ROR1: variants seen among roughly 807,000 people sequenced by gnomAD.
ROR1 encodes ROR family WNT receptor 1.
Under a neutral mutation model 78.8 loss-of-function variants are expected in ROR1, and 19 were observed. The observed-to-expected ratio is 0.24, with a 90% confidence interval of 0.17 to 0.35. The LOEUF is 0.35. Ranked by LOEUF, ROR1 falls within the 10% of genes least tolerant of loss-of-function variation. The pLI, the probability that ROR1 is intolerant of heterozygous loss-of-function variation, is 1.00. For synonymous variants in ROR1, 386 were observed against 433.6 expected (o/e 0.89, Z 1.36); for missense variants, 917 against 1,177.8 (o/e 0.78, Z 3.24).
At chr1:63,905,925 C>T (rs1645524573) in intron 1 of ROR1, among the ~76,000 whole-genome samples, 1 of 151,992 alleles carries the variant, frequency 6.6e-6, no homozygotes, top group South Asian at 2.1e-4. Flanking sequence ...AAATAATGTA[C>T]TTGAGGTTAT....
At chr1:63,876,505 G>A (rs1645285816) in intron 1 of ROR1, among the ~76,000 whole-genome samples, 1 of 151,964 alleles carries the variant, frequency 6.6e-6, no homozygotes, top group African/African-American at 2.4e-5. Flanking sequence ...TTCCTTAAAT[G>A]CCTAATTTTT....
chr1:64,055,383 G>C (rs865028), intron 4 of ROR1, among the ~76,000 whole-genome samples: 130,485 of 152,284 alleles, frequency 0.86, 55,991 homozygotes, highest in East Asian at 0.94. Flanking sequence ...GGCTCTGCCA[G>C]TGTAGTTTCT....
At chr1:63,802,120 C>T (rs1644801311) in intron 1 of ROR1, among the ~76,000 whole-genome samples, 1 of 152,162 alleles carries the variant, frequency 6.6e-6, no homozygotes, top group Non-Finnish European at 1.5e-5. Context: ...ACAGAAGCAA[C>T]AACTCGTCTT....
At chr1:64,096,450 TC>T (rs1431094317) in intron 4 of ROR1, among the ~76,000 whole-genome samples, 1 of 152,170 alleles carries the variant, frequency 6.6e-6, no homozygotes, top group South Asian at 2.1e-4. Context: ...CCATGTGTTC[TC>T]ATCATTTAGC....
chr1:63,923,216 TC>T (rs1279607788), intron 1 of ROR1, among the ~76,000 whole-genome samples: 1 of 152,002 alleles, frequency 6.6e-6, no homozygotes, highest in African/African-American at 2.4e-5. Flanking sequence ...AGTGCTGGGT[TC>T]CCCCCCAAAA....
chr1:64,073,291 A>C (rs767278875), intron 4 of ROR1, among the ~76,000 whole-genome samples: 1 of 152,126 alleles, frequency 6.6e-6, no homozygotes, highest in Non-Finnish European at 1.5e-5. Flanking sequence ...AATCAGTCAG[A>C]AGATCCAACT....
At chr1:64,050,107 A>C in intron 3 of ROR1, 129 bp downstream of exon 3, 1 of 1,036,694 alleles carries the variant, frequency 9.6e-7, no homozygotes, top group Non-Finnish European at 1.4e-6. Context: ...ACAACCCTAA[A>C]CCTGGTATGG....
At chr1:63,880,569 A>G (rs1341984804) in intron 1 of ROR1, among the ~76,000 whole-genome samples, 2 of 152,148 alleles carry the variant, frequency 1.3e-5, no homozygotes, top group African/African-American at 2.4e-5. Context: ...ATAATCTTTT[A>G]TATTATTTCT....
intron 4 of ROR1, chr1:64,108,261 G>A (rs1446757415): frequency 2.0e-5 from 3 of 151,458 alleles, no homozygotes; most frequent in African/African-American, 7.3e-5. Context: ...GCCAGGCATG[G>A]TGGTACATGC....
At chr1:63,858,644 T>C (rs1215555192) in intron 1 of ROR1, among the ~76,000 whole-genome samples, 1 of 152,206 alleles carries the variant, frequency 6.6e-6, no homozygotes, top group African/African-American at 2.4e-5. Context: ...ATAGTGTTGT[T>C]TTTCCTTTTG....
intron 1 of ROR1, among the ~76,000 whole-genome samples, chr1:63,812,250 C>T (rs1211590872): frequency 6.6e-6 from 1 of 152,178 alleles, no homozygotes; most frequent in Non-Finnish European, 1.5e-5. Flanking sequence ...CCAAGGCCTG[C>T]AGGCCAAATT....
At chr1:63,894,881 G>C (rs1645427443) in intron 1 of ROR1, among the ~76,000 whole-genome samples, 1 of 152,142 alleles carries the variant, frequency 6.6e-6, no homozygotes, top group Non-Finnish European at 1.5e-5. Flanking sequence ...TGCATCTTAA[G>C]TGTACTTTAT....
chr1:64,088,556 C>G (rs1354306753), intron 4 of ROR1, among the ~76,000 whole-genome samples: 1 of 145,188 alleles, frequency 6.9e-6, no homozygotes, highest in Non-Finnish European at 1.5e-5. Flanking sequence ...TGGATCTAGT[C>G]TTCCCTGAGC....
Position 64,181,309 on chromosome 1 carries a change from G to A in ROR1, c.*2454G>A, listed in dbSNP as rs1280263445. ...ATATCTTTCCTTATTTTCACTGCAT[G>A]CATTTAATCACTGTATTACTTAATG... On this transcript the variant is annotated 3_prime_UTR_variant, in exon 9 of 9. Transcript: ENST00000371079. 1 of 151,998 alleles carries A rather than the reference G, an allele frequency of 6.6e-6. No individual in the cohort carries two copies. The highest frequency in any genetic ancestry group is 1.5e-5 in the Non-Finnish European group (1 of 67,976). The allele number at this position is 151,998 out of a possible 1,614,324, so 9.4% of individuals were successfully genotyped here.
intron 1 of ROR1, among the ~76,000 whole-genome samples, chr1:63,831,888 ATGAC>A (rs1419567498): frequency 6.6e-6 from 1 of 152,208 alleles, no homozygotes; most frequent in Non-Finnish European, 1.5e-5. Context: ...GTGAATGTCT[ATGAC>A]TGTATGCTTT....
At chr1:63,924,932 CTTTTTTTTTTTT>C (rs751680204) in intron 1 of ROR1, among the ~76,000 whole-genome samples, 3,299 of 85,062 alleles carry the variant, frequency 0.039, 160 homozygotes, top group African/African-American at 0.12. Flanking sequence ...AAAGGGGATG[CTTTTTTTTTTTT>C]TTTTTTTTTT....
chr1:64,014,733 ACG>A (rs1557609565), intron 2 of ROR1, among the ~76,000 whole-genome samples: 4 of 22,980 alleles, frequency 1.7e-4, no homozygotes, highest in African/African-American at 4.0e-4. Context: ...ATATACACAT[ACG>A]CACACTATAT....
In ROR1 at chr1:64,137,497, G is replaced by A. The variant is rs1171310133; in HGVS notation, c.610+1G>A. The A allele has an allele frequency of 6.2e-7, 1 of 1,611,370 alleles. No homozygotes were observed. Among genetic ancestry groups the A allele is most frequent in the Non-Finnish European group, 8.5e-7 (1 of 1,178,908 alleles). ...GGGGAAATAGAAAATCAGATCACAG[G>A]TAGGTAGCACCAATGAAATTATATT... On this transcript the variant is annotated splice_donor_variant, in intron 5 of 8. Transcript: ENST00000371079. LOFTEE classifies it high-confidence loss of function.
At chr1:63,787,231 A>C (rs529821972) in intron 1 of ROR1, among the ~76,000 whole-genome samples, 6 of 152,260 alleles carry the variant, frequency 3.9e-5, no homozygotes, top group African/African-American at 1.4e-4. Flanking sequence ...TCAGCCTGTC[A>C]GTCCTTCTTT....
Sources: allele counts gnomAD v4.1 joint callset (sites outside exome capture counted in the v4.1 genomes callset), GRCh38; gene constraint gnomAD v4.1.1; transcripts MANE v1.5; gene names NCBI Gene and HGNC (gene_info 2026-07-23, HGNC 2026-07-21).